C5: variants seen among roughly 807,000 people sequenced by gnomAD.
The protein encoded by C5 is C3 and PZP-like alpha-2-macroglobulin domain-containing protein 4.
In C5, 140 loss-of-function variants were observed where a neutral mutation model predicts 218.8. The observed-to-expected ratio is 0.64, with a 90% CI of 0.56 to 0.74. The LOEUF (loss-of-function observed/expected upper bound fraction) is 0.74. Ranked by LOEUF, C5 falls within the 30% of genes least tolerant of loss-of-function variation. C5 has a pLI of 0.00. For synonymous variants in C5, 614 were observed against 682.3 expected (o/e 0.90, Z 1.56); for missense variants, 1,700 against 1,969.6 (o/e 0.86, Z 2.59).
chr9:121,027,905 G>A (rs1289839096), intron 7 of C5, among the ~76,000 whole-genome samples: 2 of 152,100 alleles, frequency 1.3e-5, no homozygotes, highest in Non-Finnish European at 2.9e-5. Flanking sequence ...GAGTGAACAG[G>A]CAGCCCACAG....
intron 8 of C5, 78 bp from the exon 9 acceptor site, chr9:121,025,658 A>C (rs1249759149): frequency 7.2e-7 from 1 of 1,383,970 alleles, no homozygotes; most frequent in Non-Finnish European, 1.0e-6. Flanking sequence ...TGCTTTTACT[A>C]ACCTCTAAAT....
chr9:120,991,321 G>A (rs1411395583), intron 22 of C5, 41 bp from the exon 23 acceptor site: 1 of 1,103,942 alleles, frequency 9.1e-7, no homozygotes, highest in Non-Finnish European at 1.4e-6. Context: ...AGTTTCCAGG[G>A]GAAGACTGTT....
At chr9:121,028,013 C>T (rs994605172) in intron 7 of C5, among the ~76,000 whole-genome samples, 7 of 151,996 alleles carry the variant, frequency 4.6e-5, no homozygotes, top group Non-Finnish European at 7.4e-5. Context: ...AACAAACAAC[C>T]CCATCAAAAA....
intron 26 of C5, 95 bp from the exon 27 acceptor site, chr9:120,982,034 T>C: frequency 2.4e-6 from 2 of 844,408 alleles, no homozygotes; most frequent in Non-Finnish European, 4.0e-6. Flanking sequence ...TTGTTTGAGA[T>C]GGAGTCTCAC....
chr9:121,030,519 A>G (rs750037420), intron 6 of C5, 32 bp from the exon 7 acceptor site: 15 of 1,312,716 alleles, frequency 1.1e-5, no homozygotes, highest in East Asian at 2.5e-5. Context: ...TAATATTACC[A>G]TTTTGATTAG....
upstream of C5, among the ~76,000 whole-genome samples, chr9:121,050,768 A>G (rs553115841): frequency 6.6e-6 from 1 of 152,302 alleles, no homozygotes; most frequent in South Asian, 2.1e-4. Flanking sequence ...TGGTCTGAGC[A>G]TAACCTAGCT....
intron 16 of C5, 156 bp downstream of exon 16, chr9:121,015,043 A>G: frequency 1.7e-6 from 1 of 598,352 alleles, no homozygotes; most frequent in East Asian, 2.9e-5. Flanking sequence ...CTTTATTTGG[A>G]TTAATCTTTC....
chr9:120,964,524 A>G (rs1241914010), intron 33 of C5, among the ~76,000 whole-genome samples: 2 of 152,230 alleles, frequency 1.3e-5, no homozygotes, highest in East Asian at 1.9e-4. Flanking sequence ...TTGGATGGTG[A>G]GATTATAAGC....
At chr9:121,025,045 A>C (rs1434190934) in intron 9 of C5, among the ~76,000 whole-genome samples, 1 of 152,244 alleles carries the variant, frequency 6.6e-6, no homozygotes. Context: ...AATAATGATA[A>C]TAGTAATAAC....
At chr9:121,067,028 G>T in the C5 span, among the ~76,000 whole-genome samples, 6 of 152,204 alleles carry the variant, frequency 3.9e-5, no homozygotes, top group African/African-American at 1.4e-4. Flanking sequence ...TACTTTGGGA[G>T]GCTGAGGTGG....
At chr9:121,034,009 C>T (rs1362371094) in intron 5 of C5, among the ~76,000 whole-genome samples, 2 of 151,992 alleles carry the variant, frequency 1.3e-5, no homozygotes, top group Non-Finnish European at 2.9e-5. Context: ...TAACCCTCAC[C>T]TCCCAGATTC....
chr9:121,073,283 C>T, the C5 span, among the ~76,000 whole-genome samples: 3 of 152,162 alleles, frequency 2.0e-5, no homozygotes, highest in African/African-American at 7.2e-5. Context: ...AGCTCTTTTC[C>T]CCCGCTTCCG....
At position 120,979,467 on chromosome 9, in the gene C5, A is replaced by T. The variant is rs1402598665; in HGVS notation, c.3658+616T>A. ...TCTCCCCAGTTAGAATTTAAGTTTC[A>T]TGATGGCCTGGATTTTGGGGAGCCT... On this transcript the variant is annotated intron_variant, in intron 28 of 40. Transcript: ENST00000223642. 2.0e-5 allele frequency: 3 copies of T among 152,492 alleles called. No individual in the cohort carries two copies. The East Asian group carries it at 5.8e-4, about 29-fold the overall frequency. The allele number at this position is 152,492 out of a possible 1,614,324, so 9.4% of individuals were successfully genotyped here.
chr9:121,053,492 C>CA (rs1367340717), upstream of C5, among the ~76,000 whole-genome samples: 2 of 151,946 alleles, frequency 1.3e-5, no homozygotes, highest in Non-Finnish European at 2.9e-5. Flanking sequence ...GAACCCCCCC[C>CA]GAGATAGTTC....
chr9:120,984,258 T>C (rs761707934), intron 25 of C5, among the ~76,000 whole-genome samples: 18 of 152,202 alleles, frequency 1.2e-4, no homozygotes, highest in Non-Finnish European at 2.5e-4. Flanking sequence ...AGGTGCCTTT[T>C]CCTAATTCTT....
chr9:121,058,788 T>C, the C5 span, among the ~76,000 whole-genome samples: 1 of 152,248 alleles, frequency 6.6e-6, no homozygotes, highest in Non-Finnish European at 1.5e-5. Flanking sequence ...AAATAATTTA[T>C]ATCCCAGTCC....
chr9:120,956,128 C>A (rs1016353053), intron 39 of C5, among the ~76,000 whole-genome samples: 2 of 151,978 alleles, frequency 1.3e-5, no homozygotes, highest in African/African-American at 4.8e-5. Context: ...GACCCCATCT[C>A]CGCTAAGATA....
At chr9:121,006,773 AT>A (rs2047219149) in intron 19 of C5, 130 bp downstream of exon 19, 2 of 685,416 alleles carry the variant, frequency 2.9e-6, no homozygotes, top group African/African-American at 3.6e-5. Flanking sequence ...TTGGTAATAC[AT>A]AAAAAAAAGA....
the C5 span, among the ~76,000 whole-genome samples, chr9:121,073,001 A>C: frequency 1.3e-5 from 2 of 152,164 alleles, no homozygotes; most frequent in African/African-American, 2.4e-5. Context: ...AAAGGAAATC[A>C]GTAAATCAAA....
Sources: gnomAD v4.1 joint callset for allele counts (sites outside exome capture counted in the v4.1 genomes callset) on GRCh38, gnomAD v4.1.1 for gene constraint, MANE v1.5 for transcripts, NCBI Gene and HGNC (gene_info 2026-07-23, HGNC 2026-07-21) for gene names.